The following EDIL3 variants were observed in gnomAD, a reference collection of about 807,000 sequenced individuals.
EDIL3 encodes EGF like and discoidin domains 3.
EDIL3 carries 37 observed loss-of-function variants against 67.4 expected under a neutral mutation model. The ratio of observed to expected loss-of-function variants is 0.55; its 90% CI spans 0.42 to 0.72. The LOEUF is 0.72. Ranked by LOEUF, EDIL3 falls within the 30% of genes least tolerant of loss-of-function variation. EDIL3 has a pLI of 0.00. For missense variants in EDIL3, 527 were observed against 586.3 expected (o/e 0.90, Z 1.04); for synonymous variants, 195 against 196.3 (o/e 0.99, Z 0.05).
intron 4 of EDIL3, among the ~76,000 whole-genome samples, chr5:84,164,099 G>A (rs1391091025): frequency 6.6e-6 from 1 of 151,986 alleles, no homozygotes; most frequent in Non-Finnish European, 1.5e-5. Context: ...AGAGGGATCT[G>A]AAAAAATATT....
intron 6 of EDIL3, among the ~76,000 whole-genome samples, chr5:84,099,297 T>C (rs1469907524): frequency 6.7e-6 from 1 of 148,512 alleles, no homozygotes; most frequent in East Asian, 2.0e-4. Context: ...GTCAAGACAA[T>C]CCTAAGCAGA....
intron 1 of EDIL3, among the ~76,000 whole-genome samples, chr5:84,276,609 C>T (rs569674887): frequency 6.6e-6 from 1 of 152,042 alleles, no homozygotes; most frequent in African/African-American, 2.4e-5. Flanking sequence ...TGCTCTGTCA[C>T]CCAAGCTGGA....
intron 1 of EDIL3, among the ~76,000 whole-genome samples, chr5:84,268,375 T>C (rs1057363792): frequency 6.6e-6 from 1 of 152,150 alleles, no homozygotes; most frequent in Non-Finnish European, 1.5e-5. Context: ...TCTGAATCCA[T>C]GTTATGCTTA....
chr5:84,074,579 C>T (rs542032776), intron 6 of EDIL3, among the ~76,000 whole-genome samples: 1 of 151,838 alleles, frequency 6.6e-6, no homozygotes, highest in Admixed American at 6.6e-5. Context: ...ATTTATGCAG[C>T]CAAAAGACAC....
intron 1 of EDIL3, among the ~76,000 whole-genome samples, chr5:84,279,745 T>A (rs894446626): frequency 1.3e-5 from 2 of 152,204 alleles, no homozygotes; most frequent in African/African-American, 4.8e-5. Context: ...GAAGCTTCGA[T>A]AAGATATTTC....
intron 8 of EDIL3, among the ~76,000 whole-genome samples, chr5:84,062,090 C>A (rs764967526): frequency 1.3e-4 from 20 of 151,784 alleles, no homozygotes; most frequent in Non-Finnish European, 2.9e-4. Flanking sequence ...TGTCTTAACA[C>A]GAGTACATTT....
rs542032776 is a variant in EDIL3 at position 84,074,579 on chromosome 5, C to A, written c.652-7973G>T. ...TTCTCAAAAGAAGACATTTATGCAG[C>A]CAAAAGACACATGAAAAAATGCTCA... On this transcript the variant is annotated intron_variant, in intron 6 of 10. Transcript: ENST00000296591. 1.5e-4 allele frequency among the ~76,000 whole-genome samples: 23 copies of A among 151,956 alleles called. No homozygotes were observed. In the East Asian group the frequency reaches 1.6e-3, roughly 10 times the overall value.
intron 3 of EDIL3, among the ~76,000 whole-genome samples, chr5:84,216,458 A>T (rs1170148368): frequency 6.6e-6 from 1 of 152,198 alleles, no homozygotes; most frequent in African/African-American, 2.4e-5. Context: ...ATGACATTTA[A>T]AACTGTTTAT....
At chr5:84,199,945 A>T (rs1333539754) in intron 3 of EDIL3, among the ~76,000 whole-genome samples, 1 of 152,094 alleles carries the variant, frequency 6.6e-6, no homozygotes, top group Non-Finnish European at 1.5e-5. Context: ...AGCAAATAGT[A>T]TCTAATGACT....
chr5:84,221,939 A>T (rs1699045598), intron 3 of EDIL3, among the ~76,000 whole-genome samples: 1 of 151,970 alleles, frequency 6.6e-6, no homozygotes, highest in Admixed American at 6.6e-5. Flanking sequence ...AAATACTAAA[A>T]TCAGAATGCA....
chr5:84,360,181 TAAAG>T (rs1279959016), intron 1 of EDIL3, among the ~76,000 whole-genome samples: 1 of 152,040 alleles, frequency 6.6e-6, no homozygotes, highest in African/African-American at 2.4e-5. Flanking sequence ...GGAGAGTGGT[TAAAG>T]AAAGGGGAAA....
chr5:84,349,244 A>G (rs1181267612), intron 1 of EDIL3, among the ~76,000 whole-genome samples: 1 of 152,214 alleles, frequency 6.6e-6, no homozygotes, highest in Non-Finnish European at 1.5e-5. Flanking sequence ...TGTGCTGTAG[A>G]AACTTCATGG....
intron 9 of EDIL3, among the ~76,000 whole-genome samples, chr5:84,003,910 G>A (rs931412133): frequency 1.7e-4 from 26 of 151,654 alleles, no homozygotes; most frequent in Admixed American, 9.9e-4. Flanking sequence ...CCAAATGTAC[G>A]CTGTCTTCAA....
chr5:84,266,930 T>A (rs781706903), intron 1 of EDIL3, among the ~76,000 whole-genome samples: 2 of 152,230 alleles, frequency 1.3e-5, no homozygotes, highest in African/African-American at 2.4e-5. Flanking sequence ...TTATACTAAG[T>A]GTTTTATGGG....
intron 9 of EDIL3, among the ~76,000 whole-genome samples, chr5:84,013,189 G>GTA (rs946362251): frequency 1.1e-4 from 16 of 151,656 alleles, no homozygotes; most frequent in South Asian, 4.2e-4. Context: ...ACATATGTGT[G>GTA]TATATATATA....
At chr5:84,292,283 T>G (rs1187237196) in intron 1 of EDIL3, among the ~76,000 whole-genome samples, 3 of 152,200 alleles carry the variant, frequency 2.0e-5, no homozygotes, top group Non-Finnish European at 4.4e-5. Context: ...TCAATAACAC[T>G]GATGATTTTT....
chr5:84,128,240 C>T (rs1415338569), intron 5 of EDIL3, among the ~76,000 whole-genome samples: 17 of 152,020 alleles, frequency 1.1e-4, no homozygotes, highest in Non-Finnish European at 7.4e-5. Flanking sequence ...ATCATGCCAT[C>T]GTTTGAAAAA....
intron 1 of EDIL3, among the ~76,000 whole-genome samples, chr5:84,324,760 A>G (rs1329320090): frequency 6.6e-6 from 1 of 151,860 alleles, no homozygotes; most frequent in African/African-American, 2.4e-5. Flanking sequence ...AATAAAGCTT[A>G]TGAGACTATA....
chr5:84,186,499 AT>A (rs1480153070), intron 3 of EDIL3, among the ~76,000 whole-genome samples: 4 of 152,002 alleles, frequency 2.6e-5, no homozygotes, highest in East Asian at 1.9e-4. Flanking sequence ...TGGGTATCTC[AT>A]TTTTTAAGGT....
Sources: allele counts gnomAD v4.1 joint callset (sites outside exome capture counted in the v4.1 genomes callset), GRCh38; gene constraint gnomAD v4.1.1; transcripts MANE v1.5; gene names NCBI Gene and HGNC (gene_info 2026-07-23, HGNC 2026-07-21).